Variants in DYSF observed in about 807,000 individuals in gnomAD.
DYSF encodes the protein dystrophy-associated fer-1-like 1.
A neutral mutation model predicts 274.9 loss-of-function variants in DYSF; 212 were observed. The observed-to-expected ratio is 0.77, with a 90% CI of 0.69 to 0.86. The LOEUF is 0.86. DYSF is among the 40% of genes least tolerant of loss of function. DYSF has a pLI of 0.00. For synonymous variants in DYSF, 1,091 were observed against 1,078.7 expected, an observed-to-expected ratio of 1.01 and a Z score of -0.22; for missense variants, 2,666 against 2,783.2, an observed-to-expected ratio of 0.96 and a Z score of 0.95.
At position 71,574,273 on chromosome 2, in the gene DYSF, C is replaced by T. The variant is rs764208388; in HGVS notation, c.3304C>T (p.Arg1102Cys). Residue 1102 changes from arginine to cysteine, a missense_variant, in exon 30 of 56, where the codon CGC becomes TGC. By Grantham distance (180) the Arg-to-Cys change is radical. This residue lies in a region of DYSF where 1,460 missense variants were observed against 1,502.1 expected (regional missense o/e 0.97). Coordinates refer to ENST00000410020, the MANE Select transcript of DYSF (RefSeq NM_001130987.2). The stretch of plus-strand genomic sequence containing the variant: ...TGGCTGGAAGTTCCACCTCGAGTAC[C>T]GCAAGACAGATGCCTTCCGCCGCCG... ...LFGWKFHLEYRKTDAFRRRRW... is the reference protein window; with the variant it reads ...LFGWKFHLEYCKTDAFRRRRW... 9.2e-5 allele frequency: 149 copies of T among 1,614,036 alleles called. No homozygotes were observed. Among genetic ancestry groups the T allele is most frequent in the Admixed American group, 3.5e-4 (21 of 60,010 alleles).
chr2:71,560,173 A>G (rs1213144961), intron 22 of DYSF, among the ~76,000 whole-genome samples: 1 of 152,198 alleles, frequency 6.6e-6, no homozygotes, highest in Non-Finnish European at 1.5e-5. Flanking sequence ...GAGGAGGGAA[A>G]GAGCCGAGAC....
rs116320727 is a variant in DYSF, at chr2:71,471,432, G to T, written c.91+4499G>T. Among the ~76,000 whole-genome samples, 604 of 152,294 alleles carry T rather than the reference G, an allele frequency of 4.0e-3. 2 individuals carry two copies. The highest frequency in any genetic ancestry group is 0.014 in the African/African-American group (570 of 41,532). On this transcript the variant is annotated intron_variant, in intron 1 of 55. Transcript: ENST00000410020. ...CAGGGTGTTTATCTACAGGGTAGAG[G>T]CTGAGGATGCTGCTAGACATTCCAC...
At chr2:71,597,112 C>T (rs1318067769) in intron 32 of DYSF, among the ~76,000 whole-genome samples, 2 of 152,204 alleles carry the variant, frequency 1.3e-5, no homozygotes, top group South Asian at 2.1e-4. Flanking sequence ...CCCCTTTGTG[C>T]GGAAGCCCTG....
intron 45 of DYSF, among the ~76,000 whole-genome samples, chr2:71,662,905 C>T (rs55952219): frequency 4.1e-5 from 1 of 24,102 alleles, no homozygotes; most frequent in African/African-American, 8.6e-5. Context: ...CATTTGTGTG[C>T]CTGTGTGTGT....
intron 1 of DYSF, among the ~76,000 whole-genome samples, chr2:71,470,390 C>A (rs79819546): frequency 2.0e-5 from 3 of 151,984 alleles, no homozygotes; most frequent in Admixed American, 6.6e-5. Context: ...TTGAAAACAG[C>A]GGCCAGGCGT....
At chr2:71,584,913 G>T (rs1221315282) in intron 30 of DYSF, among the ~76,000 whole-genome samples, 4 of 152,216 alleles carry the variant, frequency 2.6e-5, no homozygotes, top group Non-Finnish European at 5.9e-5. Flanking sequence ...GCAGAGGAAA[G>T]GTTATGAATT....
intron 20 of DYSF, 56 bp from the exon 21 acceptor site, chr2:71,553,751 C>CCAAAAA: frequency 5.7e-6 from 6 of 1,045,048 alleles, no homozygotes; most frequent in Non-Finnish European, 8.4e-6. Context: ...CTTAGCACCC[C>CCAAAAA]ATCCCACCCG....
chr2:71,590,915 T>G (rs1301489010), intron 32 of DYSF, among the ~76,000 whole-genome samples: 1 of 152,200 alleles, frequency 6.6e-6, no homozygotes. Flanking sequence ...CCTTGCCCCT[T>G]TGTATCTAGG....
chr2:71,456,957 G>A (rs1440477834), intron 1 of DYSF, among the ~76,000 whole-genome samples: 2 of 152,152 alleles, frequency 1.3e-5, no homozygotes, highest in Non-Finnish European at 2.9e-5. Context: ...CAGAGTAGGG[G>A]GAGTGCAGGG....
intron 22 of DYSF, among the ~76,000 whole-genome samples, chr2:71,558,455 C>A (rs114538047): frequency 1.6e-3 from 248 of 152,274 alleles, no homozygotes; most frequent in African/African-American, 5.7e-3. Context: ...TCCCCGGGGC[C>A]CCAGATCCCA....
chr2:71,462,683 C>G (rs1172757289), upstream of DYSF, among the ~76,000 whole-genome samples: 1 of 152,200 alleles, frequency 6.6e-6, no homozygotes, highest in Non-Finnish European at 1.5e-5. Context: ...TGGGTAGTTC[C>G]TTTCTGCAGG....
intron 44 of DYSF, among the ~76,000 whole-genome samples, chr2:71,660,266 CAG>C (rs1177735810): frequency 1.3e-5 from 2 of 152,342 alleles, no homozygotes; most frequent in East Asian, 3.9e-4. Flanking sequence ...GTGTGTAATG[CAG>C]ACTGTTGTGT....
chr2:71,570,310 C>G lies in DYSF; in HGVS notation c.3061C>G (p.Leu1021Val), dbSNP rs546420693. 3 of 1,614,096 alleles carry G rather than the reference C, an allele frequency of 1.9e-6. No homozygotes were observed. Among genetic ancestry groups the G allele is most frequent in the African/African-American group, 2.7e-5 (2 of 75,004 alleles). The change falls in exon 28 of 56, where the codon CTC becomes GTC. Residue 1021 changes from leucine (L) to valine (V), a missense_variant. Leu to Val is a conservative substitution (Grantham distance 32, BLOSUM62 1). This residue lies in a region of DYSF where 1,460 missense variants were observed against 1,502.1 expected (regional missense o/e 0.97). Transcript: ENST00000410020. ...KWEDEEWSTD[L>V]NRAVDEQGWE... The stretch of plus-strand genomic sequence containing the variant: ...GGAAGATGAGGAATGGTCCACAGAC[C>G]TCAACCGGGCTGTCGATGAGCAAGG...
At position 71,515,725 on chromosome 2, in the gene DYSF, A is replaced by T. The variant is rs1365308415; in HGVS notation, c.862A>T (p.Lys288Ter). 1 of 1,614,050 alleles carries T rather than the reference A, an allele frequency of 6.2e-7. No homozygotes were observed. Among genetic ancestry groups the T allele is most frequent in the Non-Finnish European group, 8.5e-7 (1 of 1,180,034 alleles). Reference protein sequence around the residue: ...AGQTKRTRIHKGNSPLFNETL... With the variant: ...AGQTKRTRIH ...GCAGACCAAGCGGACGCGGATCCAC[A>T]AGGGAAACAGCCCACTCTTCAATGA... The change falls in exon 8 of 56, where the codon AAG becomes TAG. Residue 288 changes from lysine (K) to a stop codon, truncating the protein, a stop_gained. Transcript: ENST00000410020. LOFTEE classifies it high-confidence loss of function.
chr2:71,611,285 A>G lies in DYSF; in HGVS notation c.3998A>G (p.Glu1333Gly). Residue 1333 changes from glutamate to glycine, a missense_variant, in exon 37 of 56, where the codon GAG becomes GGG. Glu to Gly is a moderately conservative substitution (Grantham distance 98). Transcript: ENST00000410020. ...CTGCCCTACCCACCACCCCAGAGGG[A>G]GGCCAACATCTACATGGTTCCTCAG... ...TDLPYPPPQR[E>G]ANIYMVPQNI... The G allele has an allele frequency of 6.2e-7, 1 of 1,613,966 alleles. No homozygotes were observed. Among genetic ancestry groups the G allele is most frequent in the Non-Finnish European group, 8.5e-7 (1 of 1,179,894 alleles).
intron 3 of DYSF, among the ~76,000 whole-genome samples, chr2:71,495,309 G>A (rs1216175040): frequency 6.6e-6 from 1 of 152,204 alleles, no homozygotes; most frequent in East Asian, 1.9e-4. Context: ...GAAAGTTTAT[G>A]TCATGTGTGC....
intron 30 of DYSF, among the ~76,000 whole-genome samples, chr2:71,586,856 G>A (rs1030895457): frequency 6.6e-6 from 1 of 152,056 alleles, no homozygotes; most frequent in African/African-American, 2.4e-5. Context: ...CCCTACCTGC[G>A]GGTGGGGCAC....
chr2:71,606,112 T>G (rs2093642264), intron 36 of DYSF, among the ~76,000 whole-genome samples: 1 of 152,142 alleles, frequency 6.6e-6, no homozygotes, highest in African/African-American at 2.4e-5. Context: ...TGGTGGCCCC[T>G]AGACTGGGCT....
intron 30 of DYSF, among the ~76,000 whole-genome samples, chr2:71,587,526 C>T (rs776917029): frequency 2.6e-5 from 4 of 152,292 alleles, no homozygotes; most frequent in East Asian, 1.9e-4. Context: ...TGCCTTCCCT[C>T]GTAAGGTCAT....
Sources: gnomAD v4.1 joint callset for allele counts (sites outside exome capture counted in the v4.1 genomes callset) on GRCh38, gnomAD v4.1.1 for gene constraint, gnomAD v4.1.1 regional missense constraint, MANE v1.5 for transcripts, NCBI Gene and HGNC (gene_info 2026-07-23, HGNC 2026-07-21) for gene names.